RHOT1: variants seen among roughly 807,000 people sequenced by gnomAD.
RHOT1 encodes the protein ras homolog family member T1.
RHOT1 carries 27 observed loss-of-function variants against 95.3 expected under a neutral mutation model. The ratio of observed to expected loss-of-function variants is 0.28; its 90% CI spans 0.21 to 0.39. The LOEUF is 0.39. RHOT1 is among the 10% of genes least tolerant of loss of function. The pLI, the probability that RHOT1 is intolerant of heterozygous loss-of-function variation, is 1.00. For missense variants in RHOT1, 578 were observed against 786.7 expected (o/e 0.73, Z 3.17); for synonymous variants, 227 against 263.5 (o/e 0.86, Z 1.34).
chr17:32,197,456 G>A (rs148982765), intron 11 of RHOT1, among the ~76,000 whole-genome samples: 12,614 of 147,950 alleles, frequency 0.085, 646 homozygotes, highest in Middle Eastern at 0.12. Flanking sequence ...ATGGAGTCTC[G>A]CTCTGTCGCC....
intron 1 of RHOT1, among the ~76,000 whole-genome samples, chr17:32,149,635 A>ATGTATGTGTGTG: frequency 1.7e-5 from 1 of 59,076 alleles, no homozygotes; most frequent in Non-Finnish European, 3.4e-5. Flanking sequence ...ATATATATAT[A>ATGTATGTGTGTG]TGTGTGTGTG....
At chr17:32,142,871 C>A (rs2030585914) in intron 1 of RHOT1, 142 bp downstream of exon 1, 1 of 799,950 alleles carries the variant, frequency 1.3e-6, no homozygotes, top group South Asian at 1.5e-5. Context: ...CCTTTCTCCG[C>A]GTTCCTAGGC....
At chr17:32,165,459 G>A (rs752606634) in intron 1 of RHOT1, among the ~76,000 whole-genome samples, 2 of 150,384 alleles carry the variant, frequency 1.3e-5, no homozygotes, top group Non-Finnish European at 3.0e-5. Flanking sequence ...GGAGGTGGAA[G>A]TTGCAGTGAA....
At chr17:32,154,285 T>TAA (rs539073195) in intron 1 of RHOT1, among the ~76,000 whole-genome samples, 35 of 124,818 alleles carry the variant, frequency 2.8e-4, no homozygotes, top group African/African-American at 1.1e-3. Flanking sequence ...TACGAGAAAT[T>TAA]AAAAAAAAAA....
intron 1 of RHOT1, among the ~76,000 whole-genome samples, chr17:32,145,573 T>A (rs1055632597): frequency 1.3e-5 from 2 of 152,216 alleles, no homozygotes; most frequent in African/African-American, 4.8e-5. Context: ...TTTCTGCTCC[T>A]GCTTTCCTCC....
intron 19 of RHOT1, chr17:32,221,137 G>A: frequency 1.6e-6 from 1 of 621,508 alleles, no homozygotes; most frequent in Non-Finnish European, 2.0e-6. Flanking sequence ...GGAAGCCGAG[G>A]TGGGTGGATC....
At chr17:32,168,050 A>G (rs2034245263) in intron 1 of RHOT1, among the ~76,000 whole-genome samples, 2 of 151,786 alleles carry the variant, frequency 1.3e-5, no homozygotes. Flanking sequence ...AAAGAAAAGG[A>G]AACATTTGTT....
intron 8 of RHOT1, 71 bp downstream of exon 8, chr17:32,183,343 C>T: frequency 1.2e-6 from 1 of 815,840 alleles, no homozygotes; most frequent in South Asian, 3.9e-5. Flanking sequence ...TTTTTAGTAA[C>T]TCTTAAGTAT....
chr17:32,176,965 GT>G (rs1158546312), intron 6 of RHOT1, among the ~76,000 whole-genome samples: 1 of 152,152 alleles, frequency 6.6e-6, no homozygotes, highest in East Asian at 1.9e-4. Context: ...TTAGTTGGAA[GT>G]TTTTGTGCCT....
chr17:32,197,354 G>A (rs1002377301), intron 11 of RHOT1, among the ~76,000 whole-genome samples: 5 of 150,188 alleles, frequency 3.3e-5, no homozygotes, highest in Admixed American at 2.0e-4. Flanking sequence ...TCAGCTTCCC[G>A]AGTAGCTGGG....
chr17:32,153,328 G>A (rs6505283), intron 1 of RHOT1, among the ~76,000 whole-genome samples: 6,924 of 152,270 alleles, frequency 0.045, 535 homozygotes, highest in African/African-American at 0.16. Context: ...GCCATCCTTA[G>A]TATAGTAGAT....
intron 1 of RHOT1, chr17:32,150,467 G>T: frequency 1.1e-6 from 1 of 918,466 alleles, no homozygotes; most frequent in Non-Finnish European, 1.7e-6. Context: ...GAGGTTTTCT[G>T]GAATTCCAGG....
chr17:32,189,286 GA>G (rs2036286865), intron 8 of RHOT1, among the ~76,000 whole-genome samples: 1 of 152,058 alleles, frequency 6.6e-6, no homozygotes, highest in Non-Finnish European at 1.5e-5. Flanking sequence ...GCGACAGAGC[GA>G]GGAGACCCCA....
At chr17:32,154,137 T>TAA (rs759420536) in intron 1 of RHOT1, among the ~76,000 whole-genome samples, 1 of 132,906 alleles carries the variant, frequency 7.5e-6, no homozygotes. Context: ...ACTTTGTCTC[T>TAA]AAAAAAAAAA....
intron 2 of RHOT1, among the ~76,000 whole-genome samples, chr17:32,171,618 T>C (rs2034585303): frequency 6.6e-6 from 1 of 152,174 alleles, no homozygotes; most frequent in Non-Finnish European, 1.5e-5. Flanking sequence ...AAAAATAAAA[T>C]GTTGCTCATA....
intron 1 of RHOT1, among the ~76,000 whole-genome samples, chr17:32,149,088 A>G (rs2142358263): frequency 6.6e-6 from 1 of 152,288 alleles, no homozygotes; most frequent in South Asian, 2.1e-4. Flanking sequence ...AGATTACTTC[A>G]ATATTTCTCA....
At chr17:32,221,458 A>C (rs554167092) in intron 19 of RHOT1, among the ~76,000 whole-genome samples, 1 of 152,294 alleles carries the variant, frequency 6.6e-6, no homozygotes, top group South Asian at 2.1e-4. Flanking sequence ...AAGGACAAAC[A>C]TGAATTAGTT....
chr17:32,189,269 A>G (rs553097824), intron 8 of RHOT1, among the ~76,000 whole-genome samples: 147 of 152,330 alleles, frequency 9.7e-4, no homozygotes, highest in African/African-American at 3.0e-3. Context: ...ACTGCACTCC[A>G]GCCTGGGCGA....
At chr17:32,177,706 G>C (rs1341817199) in intron 6 of RHOT1, among the ~76,000 whole-genome samples, 1 of 142,530 alleles carries the variant, frequency 7.0e-6, no homozygotes, top group Non-Finnish European at 1.5e-5. Context: ...AGTGAGCCGA[G>C]ATCACGCCAC....
Sources: allele counts gnomAD v4.1 joint callset (sites outside exome capture counted in the v4.1 genomes callset), GRCh38; gene constraint gnomAD v4.1.1; transcripts MANE v1.5; gene names NCBI Gene and HGNC (gene_info 2026-07-23, HGNC 2026-07-21).